The following ANO2 variants were observed in gnomAD, a reference collection of about 807,000 sequenced individuals.
The protein encoded by ANO2 is anoctamin-2.
A neutral mutation model predicts 124.2 loss-of-function variants in ANO2; 101 were observed. The observed-to-expected ratio is 0.81, with a 90% confidence interval of 0.69 to 0.96. ANO2 has a LOEUF of 0.96. Among genes scored for constraint, ANO2 ranks in the 40% least tolerant of loss-of-function variants. The pLI, the probability that ANO2 is intolerant of heterozygous loss-of-function variation, is 0.00. For missense variants in ANO2, 1,293 were observed against 1,274.5 expected (o/e 1.01, Z -0.22); for synonymous variants, 486 against 482.5 (o/e 1.01, Z -0.09).
At chr12:5,839,206 G>A (rs1475625582) in intron 4 of ANO2, among the ~76,000 whole-genome samples, 1 of 152,204 alleles carries the variant, frequency 6.6e-6, no homozygotes, top group Admixed American at 6.5e-5. Flanking sequence ...TGAGAAGACT[G>A]AGCTCTAAGT....
rs1171996773 is a variant in ANO2 at position 5,787,579 on chromosome 12, C to T, written c.1055+11928G>A. ...ATAATGAGGATGATAGTATCGATCTCGACGGGGTGTTGTGAGTTAGCAAAT... is the reference window on the plus strand; with the variant it reads ...ATAATGAGGATGATAGTATCGATCTTGACGGGGTGTTGTGAGTTAGCAAAT... On this transcript the variant is annotated intron_variant, in intron 10 of 24. Coordinates refer to ENST00000682330, the MANE Select transcript of ANO2 (RefSeq NM_001364791.2). The surrounding 1 kb of genome is among the most constrained non-coding windows in gnomAD (Gnocchi z 4.2). Among the ~76,000 whole-genome samples the T allele has an allele frequency of 1.3e-5, 2 of 152,134 alleles. No individual in the cohort carries two copies. Among genetic ancestry groups the T allele is most frequent in the African/African-American group, 4.8e-5 (2 of 41,414 alleles).
At position 5,897,919 on chromosome 12, in the gene ANO2, G is replaced by A. The variant is rs1186151627; in HGVS notation, c.534+23121C>T. ...CAATAAAATGACGTAAAATAAAATT[G>A]AGAACATTTATCCACCAAAAGAGTG... On this transcript the variant is annotated intron_variant, in intron 3 of 24. Coordinates refer to ENST00000682330, the MANE Select transcript of ANO2 (RefSeq NM_001364791.2). 7.2e-5 allele frequency among the ~76,000 whole-genome samples: 11 copies of A among 152,196 alleles called. No homozygotes were observed. The East Asian group carries it at 2.1e-3, about 29-fold the overall frequency.
In ANO2 at chr12:5,744,188, G is replaced by A. The variant is rs777398755; in HGVS notation, c.1320C>T (p.Thr440=). The part of the protein sequence containing the change: ...QASHLFDNPA[T]VFFSIFMALW... Reference sequence around the variant, plus strand: ...GAGCCATGAAGATAGAGAAGAAGACGGTGGCAGGGTTGTCAAACAGGTGGC... The same window carrying A: ...GAGCCATGAAGATAGAGAAGAAGACAGTGGCAGGGTTGTCAAACAGGTGGC... The change falls in exon 12 of 25, where the codon ACC becomes ACT. Residue 440 remains threonine (T), a synonymous_variant. Transcript: ENST00000682330. 13 of 1,613,044 alleles carry A rather than the reference G, an allele frequency of 8.1e-6. No homozygotes were observed. Among genetic ancestry groups the A allele is most frequent in the African/African-American group, 4.0e-5 (3 of 74,162 alleles).
chr12:5,583,941 T>C, intron 20 of ANO2: 1 of 227,122 alleles, frequency 4.4e-6, no homozygotes. Context: ...CCTGCACAGC[T>C]TCATCCTGAA....
rs888264221 is a variant in ANO2 at position 5,945,246 on chromosome 12, G to A, written c.-29C>T. 7.8e-7 allele frequency: 1 copy of A among 1,284,834 alleles called. No homozygotes were observed. The highest frequency in any genetic ancestry group is 1.2e-5 in the South Asian group (1 of 80,292). The allele number at this position is 1,284,834 out of a possible 1,614,324, so 79.6% of individuals were successfully genotyped here. On this transcript the variant is annotated 5_prime_UTR_variant, in exon 1 of 25. Coordinates refer to ENST00000682330, the MANE Select transcript of ANO2 (RefSeq NM_001364791.2). Reference sequence around the variant, plus strand: ...GTGGACGCAGACCCCGCCGGCCCGCGGCCGCGCGCTTCTGGGCAGGCTTAT... The same window carrying A: ...GTGGACGCAGACCCCGCCGGCCCGCAGCCGCGCGCTTCTGGGCAGGCTTAT...
chr12:5,651,901 G>A (rs1441852059), intron 14 of ANO2, among the ~76,000 whole-genome samples: 1 of 152,194 alleles, frequency 6.6e-6, no homozygotes, highest in East Asian at 1.9e-4. Context: ...AATTCATGTT[G>A]TCCATGTGGT....
intron 14 of ANO2, among the ~76,000 whole-genome samples, chr12:5,683,259 T>C (rs551743096): frequency 5.9e-5 from 9 of 152,288 alleles, no homozygotes; most frequent in Admixed American, 3.9e-4. Context: ...TAAATTATCT[T>C]ATTTTAGGGA....
intron 20 of ANO2, among the ~76,000 whole-genome samples, chr12:5,588,364 T>C (rs1943229095): frequency 6.6e-6 from 1 of 152,228 alleles, no homozygotes; most frequent in Non-Finnish European, 1.5e-5. Context: ...CCTCACTTCA[T>C]TCCATCCTTC....
chr12:5,875,335 T>C (rs1383437436), intron 3 of ANO2, among the ~76,000 whole-genome samples: 1 of 152,218 alleles, frequency 6.6e-6, no homozygotes, highest in Non-Finnish European at 1.5e-5. Flanking sequence ...GTTTGGATGA[T>C]ACCTGCCAGA....
In ANO2 at chr12:5,854,061, G is replaced by T. The variant is rs773668609; in HGVS notation, c.615C>A (p.Ile205=). The part of the protein sequence containing the change: ...VLAREAEFLK[I]KVPTKKMYEI... ...CTCATACTTTCTTGGTAGGAACTTT[G>T]ATCTTCAAGAATTCTGCCTCTCTGG... The change falls in exon 4 of 25, where the codon ATC becomes ATA. Residue 205 remains isoleucine (I), a synonymous_variant. Coordinates refer to ENST00000682330, the MANE Select transcript of ANO2 (RefSeq NM_001364791.2). The T allele has an allele frequency of 6.2e-7, 1 of 1,613,358 alleles. No individual in the cohort carries two copies. Among genetic ancestry groups the T allele is most frequent in the South Asian group, 1.1e-5 (1 of 91,040 alleles).
At chr12:5,631,904 C>T (rs374910513) in intron 16 of ANO2, among the ~76,000 whole-genome samples, 2 of 152,074 alleles carry the variant, frequency 1.3e-5, no homozygotes, top group East Asian at 1.9e-4. Context: ...GAGCAATGTC[C>T]CCAAACCCAC....
intron 16 of ANO2, among the ~76,000 whole-genome samples, chr12:5,632,422 A>T (rs1458555304): frequency 2.0e-5 from 3 of 151,988 alleles, no homozygotes; most frequent in Non-Finnish European, 4.4e-5. Context: ...GATGAAATGG[A>T]GTTACAAATT....
intron 16 of ANO2, among the ~76,000 whole-genome samples, chr12:5,618,840 C>A (rs772144854): frequency 6.6e-6 from 1 of 152,188 alleles, no homozygotes; most frequent in Non-Finnish European, 1.5e-5. Flanking sequence ...TTGCTCACTG[C>A]CAAGTCTCTC....
intron 6 of ANO2, 84 bp from the exon 7 acceptor site, chr12:5,827,904 G>A (rs572577939): frequency 9.5e-6 from 14 of 1,480,066 alleles, no homozygotes; most frequent in Admixed American, 4.2e-5. Flanking sequence ...TGCCTGGCAG[G>A]GGCGGGAGGC....
chr12:5,907,870 G>A (rs534933589), intron 3 of ANO2, among the ~76,000 whole-genome samples: 3 of 152,180 alleles, frequency 2.0e-5, no homozygotes, highest in Non-Finnish European at 4.4e-5. Flanking sequence ...TCGTGCTCCT[G>A]GGGAGCCCAG....
At chr12:5,867,952 A>T (rs1043186569) in intron 3 of ANO2, among the ~76,000 whole-genome samples, 6 of 152,154 alleles carry the variant, frequency 3.9e-5, no homozygotes, top group African/African-American at 1.2e-4. Flanking sequence ...GGGAATGGTT[A>T]ATGAGTACAA....
chr12:5,729,266 G>C (rs946151733), intron 14 of ANO2, among the ~76,000 whole-genome samples: 7 of 151,972 alleles, frequency 4.6e-5, no homozygotes, highest in Non-Finnish European at 1.0e-4. Context: ...AATATATAAA[G>C]AACTTCATAT....
chr12:5,625,112 G>A (rs1945330334), intron 16 of ANO2, among the ~76,000 whole-genome samples: 2 of 152,148 alleles, frequency 1.3e-5, no homozygotes, highest in South Asian at 2.1e-4. Flanking sequence ...GAAGTACAAC[G>A]GGAAGCTGTT....
intron 10 of ANO2, among the ~76,000 whole-genome samples, chr12:5,776,894 A>C (rs900392044): frequency 6.6e-6 from 1 of 152,180 alleles, no homozygotes; most frequent in Admixed American, 6.5e-5. Flanking sequence ...ACAATGCCAT[A>C]ACCTGGAGGA....
Sources: gnomAD v4.1 joint callset for allele counts (sites outside exome capture counted in the v4.1 genomes callset) on GRCh38, gnomAD v4.1.1 for gene constraint, Gnocchi (gnomAD v3.1) non-coding constraint, MANE v1.5 for transcripts, NCBI Gene and HGNC (gene_info 2026-07-23, HGNC 2026-07-21) for gene names.